The following EVA1C variants were observed in gnomAD, a reference collection of about 807,000 sequenced individuals.
EVA1C encodes eva-1 homolog C.
EVA1C carries 25 observed loss-of-function variants against 45.4 expected under a neutral mutation model. That is an observed-to-expected ratio of 0.55 (90% CI 0.40 to 0.77). The LOEUF (loss-of-function observed/expected upper bound fraction) is 0.77, where lower values mean the gene tolerates loss of function less well. EVA1C is among the 30% of genes least tolerant of loss of function. The pLI, the probability that EVA1C is intolerant of heterozygous loss-of-function variation, is 0.00. For synonymous variants in EVA1C, 190 were observed against 221.2 expected (o/e 0.86, Z 1.25); for missense variants, 479 against 554.8 (o/e 0.86, Z 1.37).
At chr21:32,451,795 CTTA>C (rs1333920015) in intron 1 of EVA1C, among the ~76,000 whole-genome samples, 1 of 152,172 alleles carries the variant, frequency 6.6e-6, no homozygotes, top group East Asian at 1.9e-4. Flanking sequence ...TTCTTTTCTT[CTTA>C]TAAGGACACC....
chr21:32,479,847 C>CTTTTTTT, intron 4 of EVA1C, among the ~76,000 whole-genome samples: 1 of 146,706 alleles, frequency 6.8e-6, no homozygotes. Context: ...CCCAGCTACT[C>CTTTTTTT]TTTTTTTTTT....
chr21:32,442,260 C>T (rs545365197), intron 1 of EVA1C, among the ~76,000 whole-genome samples: 1 of 152,304 alleles, frequency 6.6e-6, no homozygotes, highest in East Asian at 1.9e-4. Flanking sequence ...AACTTGGGAG[C>T]CTCCCAAATA....
Position 32,512,018 on chromosome 21 carries a change from T to C in EVA1C, c.950-2796T>C, listed in dbSNP as rs534293423. On this transcript the variant is annotated intron_variant, in intron 7 of 7. Transcript: ENST00000300255. Reference sequence around the variant, plus strand: ...TTAAATTAAAAAAAAACACCAAGTCTCCAACACTACCTATAATATTATACC... The same window carrying C: ...TTAAATTAAAAAAAAACACCAAGTCCCCAACACTACCTATAATATTATACC... Among the ~76,000 whole-genome samples the C allele has an allele frequency of 2.6e-4, 39 of 152,000 alleles. No homozygotes were observed. The South Asian group carries it at 7.9e-3, about 31-fold the overall frequency.
chr21:32,457,688 A>G lies in EVA1C; in HGVS notation c.449A>G (p.Lys150Arg). 6.2e-7 allele frequency: 1 copy of G among 1,614,120 alleles called. No homozygotes were observed. The highest frequency in any genetic ancestry group is 8.5e-7 in the Non-Finnish European group (1 of 1,180,030). The stretch of plus-strand genomic sequence containing the variant: ...CCTGACCTTTGTCCAGGAAGCAGTA[A>G]ATACCTCCTGGTCTCCTTTAAATGC... ...FGPDLCPGSS[K>R]YLLVSFKCQP... Residue 150 changes from lysine (K) to arginine (R), a missense_variant, in exon 3 of 8, where the codon AAA (lysine) becomes AGA (arginine). Transcript: ENST00000300255.
At chr21:32,496,847 T>C in intron 5 of EVA1C, 1 of 900,948 alleles carries the variant, frequency 1.1e-6, no homozygotes, top group East Asian at 2.4e-5. Flanking sequence ...GTGACTGGCA[T>C]AGTGACAGCT....
intron 1 of EVA1C, among the ~76,000 whole-genome samples, chr21:32,435,979 T>C (rs1344449167): frequency 6.6e-6 from 1 of 152,282 alleles, no homozygotes; most frequent in African/African-American, 2.4e-5. Flanking sequence ...AATTTGTACT[T>C]TGCATGTGGG....
intron 4 of EVA1C, among the ~76,000 whole-genome samples, chr21:32,479,476 A>G (rs1292998475): frequency 6.6e-6 from 1 of 152,034 alleles, no homozygotes; most frequent in African/African-American, 2.4e-5. Flanking sequence ...AAATAAAATC[A>G]GCCTTGGAGG....
chr21:32,486,500 C>A (rs1460141709), intron 4 of EVA1C, among the ~76,000 whole-genome samples: 1 of 152,180 alleles, frequency 6.6e-6, no homozygotes, highest in African/African-American at 2.4e-5. Context: ...TTCCTCTATG[C>A]CCCTGTGAGG....
intron 5 of EVA1C, chr21:32,497,144 G>C: frequency 1.2e-6 from 1 of 810,080 alleles, no homozygotes. Context: ...AATCAAACAG[G>C]AAGTGGGAAA....
In EVA1C at chr21:32,495,182, C is replaced by A; in HGVS notation, c.778+12C>A. 3.1e-6 allele frequency: 5 copies of A among 1,612,460 alleles called. No homozygotes were observed. Among genetic ancestry groups the A allele is most frequent in the South Asian group, 1.1e-5 (1 of 90,940 alleles). On this transcript the variant is annotated intron_variant, in intron 5 of 7. Coordinates refer to ENST00000300255, the MANE Select transcript of EVA1C (RefSeq NM_058187.5). ...GACCTACGCATGTGGTAAGAACACA[C>A]CCCCGACCAGCTGCCTGATGACACT...
chr21:32,438,646 G>A (rs552959361), intron 1 of EVA1C, among the ~76,000 whole-genome samples: 1 of 152,212 alleles, frequency 6.6e-6, no homozygotes, highest in South Asian at 2.1e-4. Context: ...GCACATCCAG[G>A]AAAGCCCCAC....
rs2036403940 is a variant in EVA1C at position 32,472,286 on chromosome 21, G to A, written c.634+4438G>A. ...TGATTCTACTGCCTCAACCTCCTGA[G>A]TAGCTGGGACTACAGGCATGTGCCA... On this transcript the variant is annotated intron_variant, in intron 4 of 7. Transcript: ENST00000300255. 2.0e-5 allele frequency among the ~76,000 whole-genome samples: 3 copies of A among 152,228 alleles called. No homozygotes were observed. In the South Asian group the frequency reaches 6.2e-4, roughly 32 times the overall value.
chr21:32,419,329 T>C (rs1403569640), intron 1 of EVA1C, among the ~76,000 whole-genome samples: 1 of 152,156 alleles, frequency 6.6e-6, no homozygotes, highest in South Asian at 2.1e-4. Flanking sequence ...CCCACCCCTA[T>C]TGCCTGACTT....
chr21:32,430,668 C>T (rs962784005), intron 1 of EVA1C, among the ~76,000 whole-genome samples: 2 of 151,912 alleles, frequency 1.3e-5, no homozygotes, highest in African/African-American at 4.8e-5. Context: ...AGGGGAGCTC[C>T]CCTTTATAAA....
chr21:32,461,869 G>A (rs2036009606), intron 3 of EVA1C, among the ~76,000 whole-genome samples: 1 of 152,138 alleles, frequency 6.6e-6, no homozygotes, highest in Non-Finnish European at 1.5e-5. Flanking sequence ...GGCAGTTCTG[G>A]GTTCATATTC....
rs139336360 is a variant in EVA1C, at chr21:32,492,965, A to ATG, written c.635-2047_635-2046dup. The stretch of plus-strand genomic sequence containing the variant: ...GTCTGCTGTCTCAGCCACAAAATTG[A>ATG]TGTGTGTGTGTGTGTGCATGCACAA... On this transcript the variant is annotated intron_variant, in intron 4 of 7. Coordinates refer to ENST00000300255, the MANE Select transcript of EVA1C (RefSeq NM_058187.5). 6.9e-3 allele frequency among the ~76,000 whole-genome samples: 1,042 copies of ATG among 150,936 alleles called. 8 individuals carry two copies. The highest frequency in any genetic ancestry group is 0.022 in the African/African-American group (900 of 41,248).
chr21:32,412,590 G>A (rs1028896239), upstream of EVA1C: 6 of 371,806 alleles, frequency 1.6e-5, no homozygotes, highest in Non-Finnish European at 2.4e-5. Flanking sequence ...CCGGCACGGC[G>A]GCAACGGAGA....
intron 1 of EVA1C, among the ~76,000 whole-genome samples, chr21:32,436,092 C>T (rs2034939560): frequency 6.6e-6 from 1 of 152,166 alleles, no homozygotes; most frequent in Non-Finnish European, 1.5e-5. Context: ...GAGACGGAGT[C>T]TTGCTCTCTT....
intron 3 of EVA1C, among the ~76,000 whole-genome samples, chr21:32,459,067 G>A (rs1274501771): frequency 1.3e-5 from 2 of 151,966 alleles, no homozygotes; most frequent in Non-Finnish European, 2.9e-5. Flanking sequence ...CACAGCACAC[G>A]CAAAGGCACT....
Sources: allele counts gnomAD v4.1 joint callset (sites outside exome capture counted in the v4.1 genomes callset), GRCh38; gene constraint gnomAD v4.1.1; transcripts MANE v1.5; gene names NCBI Gene and HGNC (gene_info 2026-07-23, HGNC 2026-07-21).